The following CAMKMT variants were observed in gnomAD, a reference collection of about 807,000 sequenced individuals.
CAMKMT encodes the protein CaM KMT.
CAMKMT carries 53 observed loss-of-function variants against 48.0 expected under a neutral mutation model. The observed-to-expected ratio is 1.10, with a 90% CI of 0.89 to 1.39. CAMKMT has a LOEUF of 1.39. Ranked by LOEUF, CAMKMT falls within the 40% of genes most tolerant of loss-of-function variation. The pLI, the probability that CAMKMT is intolerant of heterozygous loss-of-function variation, is 0.00. For missense variants in CAMKMT, 428 were observed against 402.7 expected, an observed-to-expected ratio of 1.06 and a Z score of -0.54; for synonymous variants, 165 against 152.3, an observed-to-expected ratio of 1.08 and a Z score of -0.61.
intron 3 of CAMKMT, among the ~76,000 whole-genome samples, chr2:44,406,659 C>G (rs1164948863): frequency 6.6e-6 from 1 of 152,184 alleles, no homozygotes; most frequent in Non-Finnish European, 1.5e-5. Flanking sequence ...TGCAGTGGCA[C>G]CATCATGGCC....
intron 7 of CAMKMT, among the ~76,000 whole-genome samples, chr2:44,738,168 C>G (rs1325742197): frequency 6.6e-6 from 1 of 152,100 alleles, no homozygotes; most frequent in African/African-American, 2.4e-5. Flanking sequence ...CTTCTTAACT[C>G]AGGCAGTCCA....
intron 3 of CAMKMT, among the ~76,000 whole-genome samples, chr2:44,415,315 AT>A (rs1683481383): frequency 1.3e-5 from 2 of 152,200 alleles, no homozygotes; most frequent in African/African-American, 4.8e-5. Flanking sequence ...TTGTTTTTAA[AT>A]TTTCCTTCTT....
intron 3 of CAMKMT, among the ~76,000 whole-genome samples, chr2:44,444,124 C>T (rs1000501280): frequency 6.6e-6 from 1 of 152,096 alleles, no homozygotes; most frequent in Non-Finnish European, 1.5e-5. Context: ...CTTTTCTACA[C>T]GTGTACTTGA....
intron 8 of CAMKMT, among the ~76,000 whole-genome samples, chr2:44,745,534 TAC>T (rs1006498687): frequency 6.6e-6 from 1 of 152,178 alleles, no homozygotes; most frequent in African/African-American, 2.4e-5. Context: ...ATTATATGTA[TAC>T]ACACACACAT....
At chr2:44,558,034 T>TATTCATTC (rs60843994) in intron 3 of CAMKMT, among the ~76,000 whole-genome samples, 201 of 143,982 alleles carry the variant, frequency 1.4e-3, no homozygotes, top group Middle Eastern at 0.01. Context: ...TTTATTTATT[T>TATTCATTC]ATTCATTCAT....
chr2:44,689,479 T>C (rs887815883), intron 3 of CAMKMT, among the ~76,000 whole-genome samples: 2 of 151,968 alleles, frequency 1.3e-5, no homozygotes, highest in Admixed American at 1.3e-4. Context: ...AATGATGGCC[T>C]GTTCATCCCA....
At chr2:44,520,938 C>T (rs1285875567) in intron 3 of CAMKMT, among the ~76,000 whole-genome samples, 1 of 152,204 alleles carries the variant, frequency 6.6e-6, no homozygotes, top group Non-Finnish European at 1.5e-5. Flanking sequence ...TGTAAGTTTC[C>T]TGAGGTTTCC....
At chr2:44,454,368 A>C (rs1182650120) in intron 3 of CAMKMT, among the ~76,000 whole-genome samples, 1 of 152,166 alleles carries the variant, frequency 6.6e-6, no homozygotes, top group Non-Finnish European at 1.5e-5. Flanking sequence ...AAAGTAAGTA[A>C]ACTGAGTACT....
chr2:44,761,086 C>G (rs182991181), intron 9 of CAMKMT, among the ~76,000 whole-genome samples: 15 of 152,230 alleles, frequency 9.9e-5, no homozygotes, highest in African/African-American at 3.6e-4. Context: ...TGTGGGCAAC[C>G]CTTGGGGGCA....
In CAMKMT at chr2:44,743,649, T is replaced by A. The variant is rs1220982819; in HGVS notation, c.651T>A (p.Asp217Glu). The change falls in exon 8 of 11, where the codon GAT (aspartate) becomes GAA (glutamate). Residue 217 changes from aspartate to glutamate, a missense_variant. Asp to Glu is a conservative substitution (Grantham distance 45). Transcript: ENST00000378494. ...SCVLRWDNET[D>E]VSQLEGHFDI... ...TTTTACGATGGGATAATGAGACAGA[T>A]GTCTCTCAACTGGAAGGACATTTTG... is the stretch of plus-strand genomic sequence containing the variant. 1.2e-6 allele frequency: 2 copies of A among 1,613,498 alleles called. No homozygotes were observed. Among genetic ancestry groups the A allele is most frequent in the South Asian group, 2.2e-5 (2 of 90,996 alleles).
At chr2:44,531,256 G>A (rs1213637245) in intron 3 of CAMKMT, among the ~76,000 whole-genome samples, 1 of 151,958 alleles carries the variant, frequency 6.6e-6, no homozygotes, top group African/African-American at 2.4e-5. Flanking sequence ...TTAAATAATG[G>A]GTCTAATACA....
chr2:44,557,261 C>T (rs1668064100), intron 3 of CAMKMT, among the ~76,000 whole-genome samples: 1 of 151,406 alleles, frequency 6.6e-6, no homozygotes. Context: ...AAAGATAAAC[C>T]TTTGGTACAT....
chr2:44,717,356 T>C (rs895134226), intron 7 of CAMKMT, among the ~76,000 whole-genome samples: 1 of 152,140 alleles, frequency 6.6e-6, no homozygotes, highest in Non-Finnish European at 1.5e-5. Flanking sequence ...GGTAGATGAG[T>C]TAGTCCTTGA....
At chr2:44,518,318 T>C (rs947092735) in intron 3 of CAMKMT, among the ~76,000 whole-genome samples, 1 of 152,254 alleles carries the variant, frequency 6.6e-6, no homozygotes, top group African/African-American at 2.4e-5. Flanking sequence ...TGCATTATTC[T>C]TTATATATTA....
At chr2:44,641,323 T>A (rs1356551711) in intron 3 of CAMKMT, among the ~76,000 whole-genome samples, 2 of 152,122 alleles carry the variant, frequency 1.3e-5, no homozygotes, top group Non-Finnish European at 2.9e-5. Context: ...TTTCAAAGAA[T>A]TATAGAGAAA....
chr2:44,594,490 G>T (rs1459601310), intron 3 of CAMKMT, among the ~76,000 whole-genome samples: 1 of 152,002 alleles, frequency 6.6e-6, no homozygotes. Context: ...CAAAACAGAG[G>T]CCTCAGAAAT....
At chr2:44,707,295 A>C in intron 5 of CAMKMT, 104 bp from the exon 6 acceptor site, 1 of 873,208 alleles carries the variant, frequency 1.1e-6, no homozygotes, top group East Asian at 2.5e-5. Flanking sequence ...TTACAGAGAA[A>C]TAGGTGAGGA....
intron 3 of CAMKMT, among the ~76,000 whole-genome samples, chr2:44,616,131 C>A (rs571567510): frequency 4.7e-4 from 71 of 152,290 alleles, no homozygotes; most frequent in African/African-American, 1.6e-3. Flanking sequence ...ACTCTGCTCC[C>A]TTCTGTCCTA....
intron 2 of CAMKMT, among the ~76,000 whole-genome samples, chr2:44,388,469 T>G (rs1036076060): frequency 6.6e-6 from 1 of 152,220 alleles, no homozygotes; most frequent in Admixed American, 6.5e-5. Context: ...GCCTCCCTGA[T>G]TAGCTTAATA....
Sources: allele counts gnomAD v4.1 joint callset (sites outside exome capture counted in the v4.1 genomes callset), GRCh38; gene constraint gnomAD v4.1.1; transcripts MANE v1.5; gene names NCBI Gene and HGNC (gene_info 2026-07-23, HGNC 2026-07-21).